CPT1C: variants seen among roughly 807,000 people sequenced by gnomAD.
CPT1C encodes palmitoyl thioesterase CPT1C.
Under a neutral mutation model 97.3 loss-of-function variants are expected in CPT1C, and 61 were observed. The ratio of observed to expected loss-of-function variants is 0.63; its 90% CI spans 0.51 to 0.78. CPT1C has a LOEUF of 0.78. CPT1C is among the 30% of genes least tolerant of loss of function. The pLI is 0.00. For missense variants in CPT1C, 975 were observed against 1,065.5 expected (o/e 0.92, Z 1.18); for synonymous variants, 469 against 447.2 (o/e 1.05, Z -0.61).
intron 16 of CPT1C, 171 bp downstream of exon 16, chr19:49,711,028 C>T (rs1282824432): frequency 4.8e-6 from 3 of 621,660 alleles, no homozygotes; most frequent in Non-Finnish European, 8.1e-6. Context: ...GGAGACAGCC[C>T]AGCATAGTGT....
rs1389777052 is a variant in CPT1C at position 49,701,427 on chromosome 19, G to A, written c.555+9G>A. 1.2e-6 allele frequency: 2 copies of A among 1,600,792 alleles called. No individual in the cohort carries two copies. Among genetic ancestry groups the A allele is most frequent in the East Asian group, 2.2e-5 (1 of 44,454 alleles). The stretch of plus-strand genomic sequence containing the variant: ...AGGACACCGTGCGCAAGGTGGGCCT[G>A]GGAGCGCGCAGACGGGCTGGGGCGG... On this transcript the variant is annotated intron_variant, in intron 6 of 19. Coordinates refer to ENST00000598293, the MANE Select transcript of CPT1C (RefSeq NM_001199753.2).
In CPT1C at chr19:49,711,858, C is replaced by G. The variant is rs1187303071; in HGVS notation, c.1916C>G (p.Ala639Gly). The G allele has an allele frequency of 5.0e-6, 8 of 1,614,022 alleles. No homozygotes were observed. The highest frequency in any genetic ancestry group is 1.1e-5 in the South Asian group (1 of 91,090). The change falls in exon 17 of 20, where the codon GCT (alanine) becomes GGT (glycine). Residue 639 changes from alanine (A) to glycine (G), a missense_variant. By Grantham distance (60) the Ala-to-Gly change is moderately conservative (BLOSUM62 0). Around this residue, in one of 3 missense-constraint regions of CPT1C, gnomAD observed 344 missense variants for 395.7 expected, o/e 0.87. Coordinates refer to ENST00000598293, the MANE Select transcript of CPT1C (RefSeq NM_001199753.2). ...CGCGTGGCAGTGGACAAGCACCAGG[C>G]TCTGCTGAAGGCAGCCATGAGCGGG... is the stretch of plus-strand genomic sequence containing the variant. ...LFRVAVDKHQ[A>G]LLKAAMSGQG...
intron 14 of CPT1C, among the ~76,000 whole-genome samples, chr19:49,709,993 C>T (rs575510545): frequency 3.4e-4 from 51 of 152,128 alleles, no homozygotes; most frequent in African/African-American, 1.2e-3. Flanking sequence ...ACTACAGGCA[C>T]GTGCCACCAC....
rs781746898 is a variant in CPT1C, at chr19:49,700,707, G to A, written c.305G>A (p.Arg102Gln). ...AGGGGTGGACAACACCACGGGCTCC[G>A]GGGGGTCCTGGCAGCCGCGCTGTTT... Reference protein sequence around the residue: ...PDWGGQHHGLRGVLAAALFAS... With the variant: ...PDWGGQHHGLQGVLAAALFAS... The change falls in exon 5 of 20, where the codon CGG becomes CAG. Residue 102 changes from arginine (R) to glutamine (Q), a missense_variant. By Grantham distance (43) the Arg-to-Gln change is conservative. Around this residue, in one of 3 missense-constraint regions of CPT1C, gnomAD observed 596 missense variants for 603.1 expected, o/e 0.99. Coordinates refer to ENST00000598293, the MANE Select transcript of CPT1C (RefSeq NM_001199753.2). 94 of 1,609,802 alleles carry A rather than the reference G, an allele frequency of 5.8e-5. No homozygotes were observed. The highest frequency in any genetic ancestry group is 1.6e-4 in the Middle Eastern group (1 of 6,068).
rs556848512 is a variant in CPT1C, at chr19:49,706,127, C to T, written c.1160+23C>T. On this transcript the variant is annotated intron_variant, in intron 11 of 19. Coordinates refer to ENST00000598293, the MANE Select transcript of CPT1C (RefSeq NM_001199753.2). This position sits in a 1 kb window ranked among gnomAD's most constrained non-coding sequence, Gnocchi z 4.8. ...CAGGTAAGGGTCAGGGGTCAGGGGT[C>T]AGGGGCTCTCAGAGGCCGCCAGTGT... The T allele has an allele frequency of 1.3e-6, 2 of 1,597,074 alleles. No homozygotes were observed. The highest frequency in any genetic ancestry group is 2.7e-5 in the African/African-American group (2 of 74,578).
chr19:49,700,932 C>A, intron 5 of CPT1C, 77 bp downstream of exon 5: 1 of 1,498,860 alleles, frequency 6.7e-7, no homozygotes, highest in Non-Finnish European at 9.2e-7. Flanking sequence ...GTCTCTGTCC[C>A]CCTCTCTCTG....
chr19:49,700,697 C>T lies in CPT1C; in HGVS notation c.295C>T (p.His99Tyr), dbSNP rs2082963837. 1 of 1,609,244 alleles carries T rather than the reference C, an allele frequency of 6.2e-7. No individual in the cohort carries two copies. The change falls in exon 5 of 20, where the codon CAC (histidine) becomes TAC (tyrosine). Residue 99 changes from histidine to tyrosine, a missense_variant. Physicochemically the swap from His to Tyr is moderately conservative, Grantham distance 83. This residue lies in a region of CPT1C where 596 missense variants were observed against 603.1 expected (regional missense o/e 0.99). Coordinates refer to ENST00000598293, the MANE Select transcript of CPT1C (RefSeq NM_001199753.2). The stretch of plus-strand genomic sequence containing the variant: ...CTCTCCCCGCAGGGGTGGACAACAC[C>T]ACGGGCTCCGGGGGGTCCTGGCAGC... Reference protein sequence around the residue: ...ELLPDWGGQHHGLRGVLAAAL... With the variant: ...ELLPDWGGQHYGLRGVLAAAL...
At position 49,701,341 on chromosome 19, in the gene CPT1C, C is replaced by T. The variant is rs952517467; in HGVS notation, c.478C>T (p.Arg160Cys). 4 of 1,613,396 alleles carry T rather than the reference C, an allele frequency of 2.5e-6. No individual in the cohort carries two copies. Among genetic ancestry groups the T allele is most frequent in the Admixed American group, 3.3e-5 (2 of 59,954 alleles). Residue 160 changes from arginine (R) to cysteine (C), a missense_variant, in exon 6 of 20, where the codon CGC (arginine) becomes TGC (cysteine). Arg to Cys is a radical substitution (Grantham distance 180). This residue lies in a region of CPT1C where 596 missense variants were observed against 603.1 expected (regional missense o/e 0.99). Transcript: ENST00000598293. The stretch of plus-strand genomic sequence containing the variant: ...GGCCCTGGTCCGCATCTTCTCTGGC[C>T]GCCACCCGATGCTGTTCAGTTACCA... ...WLALVRIFSG[R>C]HPMLFSYQRS... is the part of the protein sequence containing the mutation.
chr19:49,690,696 C>T (rs945791426), upstream of CPT1C: 1 of 510,106 alleles, frequency 2.0e-6, no homozygotes, highest in East Asian at 3.3e-5. This position sits in a 1 kb window ranked among gnomAD's most constrained non-coding sequence, Gnocchi z 4.4. Flanking sequence ...TTGAATCCAA[C>T]CCGCTGTGGC....
chr19:49,692,164 G>T, intron 2 of CPT1C, 75 bp from the exon 3 acceptor site: 2 of 1,525,074 alleles, frequency 1.3e-6, no homozygotes, highest in Non-Finnish European at 8.9e-7. Flanking sequence ...AGGAGGAGGA[G>T]GGGCTGGGGG....
rs773611827 is a variant in CPT1C at position 49,700,706 on chromosome 19, CG to C, written c.310del (p.Val104SerfsTer15). 8 of 1,610,210 alleles carry C rather than the reference CG, an allele frequency of 5.0e-6. No homozygotes were observed. Among genetic ancestry groups the C allele is most frequent in the South Asian group, 1.1e-5 (1 of 91,082 alleles). On this transcript the variant is annotated frameshift_variant, in exon 5 of 20. Transcript: ENST00000598293. LOFTEE classifies it high-confidence loss of function. ...CAGGGGTGGACAACACCACGGGCTC[CG>C]GGGGGTCCTGGCAGCCGCGCTGTTT... ...PDWGGQHHGL[R>X]GVLAAALFAS...
intron 15 of CPT1C, 56 bp downstream of exon 15, chr19:49,710,540 CA>C: frequency 6.3e-7 from 1 of 1,598,942 alleles, no homozygotes; most frequent in South Asian, 1.1e-5. Flanking sequence ...CCTGAGCCCC[CA>C]AGACCTGCCC....
chr19:49,697,488 C>T (rs373252757), intron 4 of CPT1C, 23 bp downstream of exon 4: 91 of 1,609,314 alleles, frequency 5.7e-5, no homozygotes, highest in Non-Finnish European at 7.3e-5. Context: ...CACTCCAGCC[C>T]AGTAACCCCC....
rs1182517922 is a variant in CPT1C at position 49,706,983 on chromosome 19, C to T, written c.1344-535C>T. Among the ~76,000 whole-genome samples the T allele has an allele frequency of 6.6e-6, 1 of 152,062 alleles. No individual in the cohort carries two copies. Among genetic ancestry groups the T allele is most frequent in the African/African-American group, 2.4e-5 (1 of 41,408 alleles). ...TCCTCGGCAAGTTTCCTAAAAATCT[C>T]CAAACTCCAGACTGGGCATGGTGGC... On this transcript the variant is annotated intron_variant, in intron 12 of 19. Coordinates refer to ENST00000598293, the MANE Select transcript of CPT1C (RefSeq NM_001199753.2). The surrounding 1 kb of genome is among the most constrained non-coding windows in gnomAD (Gnocchi z 4.8).
At position 49,713,064 on chromosome 19, in the gene CPT1C, G is replaced by T; in HGVS notation, c.2226G>T (p.Thr742=). ...HISSKKSSTK[T]DSHRLGQHIE... is the part of the protein sequence containing the mutation. Reference sequence around the variant, plus strand: ...CCAGCAAAAAATCAAGCACAAAAACGGTGAGACAAACGTGTATACCCACCA... The same window carrying T: ...CCAGCAAAAAATCAAGCACAAAAACTGTGAGACAAACGTGTATACCCACCA... The change falls in exon 19 of 20, where the codon ACG becomes ACT. Residue 742 remains threonine, a splice_region_variant and synonymous_variant. Coordinates refer to ENST00000598293, the MANE Select transcript of CPT1C (RefSeq NM_001199753.2). 6.2e-7 allele frequency: 1 copy of T among 1,612,842 alleles called. No individual in the cohort carries two copies. Among genetic ancestry groups the T allele is most frequent in the African/African-American group, 1.3e-5 (1 of 74,982 alleles).
intron 4 of CPT1C, 94 bp downstream of exon 4, chr19:49,697,559 G>A: frequency 7.0e-7 from 1 of 1,430,758 alleles, no homozygotes; most frequent in Non-Finnish European, 9.5e-7. Flanking sequence ...CTAAAGAAAA[G>A]TAACCTCTGA....
chr19:49,705,177 T>G, intron 9 of CPT1C, 37 bp from the exon 10 acceptor site: 2 of 1,613,650 alleles, frequency 1.2e-6, no homozygotes, highest in Non-Finnish European at 1.7e-6. Flanking sequence ...GCCACGTGGG[T>G]CCTGGAAGGC....
intron 4 of CPT1C, among the ~76,000 whole-genome samples, chr19:49,699,976 G>C (rs113169954): frequency 0.13 from 19,096 of 146,636 alleles, 1,373 homozygotes; most frequent in African/African-American, 0.2. Context: ...TGCCGGGCGT[G>C]GTGGCTCACG....
chr19:49,694,087 AAAATAAATAAATAAATAAATAAAT>A (rs143173653), intron 3 of CPT1C, among the ~76,000 whole-genome samples: 2 of 107,432 alleles, frequency 1.9e-5, no homozygotes, highest in African/African-American at 5.3e-5. Context: ...AATAAAATAA[AAAATAAATAAATAAATAAATAAAT>A]AAATAAATAA....
Sources: gnomAD v4.1 joint callset for allele counts (sites outside exome capture counted in the v4.1 genomes callset) on GRCh38, gnomAD v4.1.1 for gene constraint, gnomAD v4.1.1 regional missense constraint, Gnocchi (gnomAD v3.1) non-coding constraint, MANE v1.5 for transcripts, NCBI Gene and HGNC (gene_info 2026-07-23, HGNC 2026-07-21) for gene names.